Variants in EHBP1 observed in about 807,000 individuals in gnomAD.
EHBP1 encodes EH domain binding protein 1.
In EHBP1, 55 loss-of-function variants were observed where a neutral mutation model predicts 144.0. The observed-to-expected ratio is 0.38, with a 90% CI of 0.31 to 0.48. The LOEUF (loss-of-function observed/expected upper bound fraction) is 0.48. Among genes scored for constraint, EHBP1 ranks in the 20% least tolerant of loss-of-function variants. The pLI is 0.98. For synonymous variants in EHBP1, 469 were observed against 472.7 expected (o/e 0.99, Z 0.10); for missense variants, 1,200 against 1,364.2 (o/e 0.88, Z 1.90).
At chr2:62,816,054 A>G (rs1017744081) in intron 5 of EHBP1, among the ~76,000 whole-genome samples, 1 of 152,230 alleles carries the variant, frequency 6.6e-6, no homozygotes, top group Non-Finnish European at 1.5e-5. Context: ...TCGGTATAAA[A>G]TCAAATACGA....
intron 2 of EHBP1, among the ~76,000 whole-genome samples, chr2:62,721,250 G>T (rs1236158561): frequency 6.6e-6 from 1 of 151,910 alleles, no homozygotes; most frequent in Admixed American, 6.6e-5. Flanking sequence ...TGTTTTTTTA[G>T]TCATTAGACT....
chr2:62,677,409 A>G (rs1264243348), intron 1 of EHBP1, among the ~76,000 whole-genome samples: 2 of 152,094 alleles, frequency 1.3e-5, no homozygotes, highest in African/African-American at 2.4e-5. Context: ...GTTACATGAG[A>G]TATTTTGATA....
At chr2:62,810,284 C>CA (rs764764668) in intron 5 of EHBP1, among the ~76,000 whole-genome samples, 12 of 152,138 alleles carry the variant, frequency 7.9e-5, no homozygotes, top group Non-Finnish European at 1.3e-4. Context: ...CTTACAGAAT[C>CA]ACGGAAGATG....
At chr2:62,854,273 A>G (rs916962286) in intron 7 of EHBP1, among the ~76,000 whole-genome samples, 15 of 152,244 alleles carry the variant, frequency 9.9e-5, no homozygotes, top group African/African-American at 3.6e-4. Context: ...TGCATCAGCA[A>G]TAAGGCTTTA....
intron 7 of EHBP1, among the ~76,000 whole-genome samples, chr2:62,846,814 C>T (rs1382396684): frequency 6.6e-6 from 1 of 152,074 alleles, no homozygotes. Context: ...TAATACATTA[C>T]TGAAAGTAAT....
At position 62,966,050 on chromosome 2, in the gene EHBP1, A is replaced by T. The variant is rs550204138; in HGVS notation, c.2460+10390A>T. Reference sequence around the variant, plus strand: ...TTTAAATCAGTGATATTCATATACCACAATACTAAATATACAGCCAAGCTT... The same window carrying T: ...TTTAAATCAGTGATATTCATATACCTCAATACTAAATATACAGCCAAGCTT... On this transcript the variant is annotated intron_variant, in intron 14 of 22. Transcript: ENST00000431489. 2.6e-5 allele frequency among the ~76,000 whole-genome samples: 4 copies of T among 152,354 alleles called. No individual in the cohort carries two copies. The East Asian group carries it at 7.7e-4, about 29-fold the overall frequency.
chr2:62,849,893 C>T (rs2048559292), intron 7 of EHBP1, among the ~76,000 whole-genome samples: 1 of 152,152 alleles, frequency 6.6e-6, no homozygotes, highest in East Asian at 1.9e-4. Context: ...AAATTCAAGT[C>T]TGGCACTCAG....
At chr2:62,702,642 T>C (rs2034312406), upstream of EHBP1, among the ~76,000 whole-genome samples, 1 of 152,218 alleles carries the variant, frequency 6.6e-6, no homozygotes, top group Non-Finnish European at 1.5e-5. Context: ...TTGGTACCAA[T>C]TGAATTAATG....
chr2:62,950,586 G>A (rs147669722), intron 13 of EHBP1, among the ~76,000 whole-genome samples: 1 of 152,190 alleles, frequency 6.6e-6, no homozygotes, highest in African/African-American at 2.4e-5. Context: ...ACAAATATCA[G>A]TAGATACAAT....
chr2:62,752,274 T>C (rs561363165), intron 3 of EHBP1, among the ~76,000 whole-genome samples: 14 of 152,330 alleles, frequency 9.2e-5, no homozygotes, highest in African/African-American at 3.4e-4. Flanking sequence ...TTGTTCAGTT[T>C]CCATGTAGTT....
At chr2:62,950,104 C>G (rs1346070371) in intron 13 of EHBP1, among the ~76,000 whole-genome samples, 1 of 151,280 alleles carries the variant, frequency 6.6e-6, no homozygotes, top group Admixed American at 6.6e-5. Flanking sequence ...TTCTGAATCA[C>G]TTTTTGATTT....
At chr2:62,984,223 C>G (rs1427409603) in intron 15 of EHBP1, among the ~76,000 whole-genome samples, 1 of 152,178 alleles carries the variant, frequency 6.6e-6, no homozygotes, top group Non-Finnish European at 1.5e-5. Flanking sequence ...TTCTCTCTCT[C>G]TCTCTTTTTT....
intron 7 of EHBP1, among the ~76,000 whole-genome samples, chr2:62,858,886 A>G (rs1235986187): frequency 6.6e-6 from 1 of 152,170 alleles, no homozygotes; most frequent in African/African-American, 2.4e-5. Context: ...AGTCTATGTC[A>G]ACACTTTTTT....
intron 2 of EHBP1, among the ~76,000 whole-genome samples, chr2:62,730,021 C>G (rs1396479977): frequency 6.6e-6 from 1 of 152,074 alleles, no homozygotes; most frequent in Non-Finnish European, 1.5e-5. Flanking sequence ...TCTTTGTTTT[C>G]TTAGTGCATA....
intron 7 of EHBP1, among the ~76,000 whole-genome samples, chr2:62,857,588 G>C (rs1377448535): frequency 6.6e-6 from 1 of 152,040 alleles, no homozygotes; most frequent in African/African-American, 2.4e-5. Flanking sequence ...TCTATTTGCT[G>C]TATCGTTATA....
intron 2 of EHBP1, among the ~76,000 whole-genome samples, chr2:62,714,119 A>G (rs1374056122): frequency 6.6e-6 from 1 of 152,106 alleles, no homozygotes; most frequent in African/African-American, 2.4e-5. Context: ...TTTTTTCTGT[A>G]AATATTCACA....
intron 10 of EHBP1, among the ~76,000 whole-genome samples, chr2:62,937,647 A>C (rs2056467001): frequency 6.6e-6 from 1 of 152,146 alleles, no homozygotes; most frequent in Non-Finnish European, 1.5e-5. Flanking sequence ...ATTTGAAGAT[A>C]GAGTGGAATT....
At chr2:62,692,764 A>C (rs1376111735) in intron 1 of EHBP1, among the ~76,000 whole-genome samples, 2 of 151,822 alleles carry the variant, frequency 1.3e-5, no homozygotes, top group African/African-American at 4.8e-5. Flanking sequence ...GTGGGCACAT[A>C]GTAGGTGTAT....
At chr2:62,831,377 A>C (rs2046815231) in intron 7 of EHBP1, among the ~76,000 whole-genome samples, 4 of 152,190 alleles carry the variant, frequency 2.6e-5, no homozygotes, top group African/African-American at 7.2e-5. Context: ...TGGTCAAAAT[A>C]ACAAAAAACA....
Sources: allele counts gnomAD v4.1 joint callset (sites outside exome capture counted in the v4.1 genomes callset), GRCh38; gene constraint gnomAD v4.1.1; transcripts MANE v1.5; gene names NCBI Gene and HGNC (gene_info 2026-07-23, HGNC 2026-07-21).